Variants in WDR19 observed in about 807,000 individuals in gnomAD.
WDR19 encodes WD repeat-containing protein 19.
Under a neutral mutation model 180.0 loss-of-function variants are expected in WDR19, and 121 were observed. The observed-to-expected ratio is 0.67, with a 90% confidence interval of 0.58 to 0.78. The LOEUF (loss-of-function observed/expected upper bound fraction) is 0.78, where lower values mean the gene tolerates loss of function less well. WDR19 is among the 30% of genes least tolerant of loss of function. The probability of loss-of-function intolerance (pLI) is 0.00; values close to 1 mark genes in which losing one functional copy is unlikely to be tolerated. For synonymous variants in WDR19, 497 were observed against 540.7 expected (o/e 0.92, Z 1.12); for missense variants, 1,450 against 1,640.7 (o/e 0.88, Z 2.01).
chr4:39,241,613 A>G (rs990900229), intron 21 of WDR19, among the ~76,000 whole-genome samples: 1 of 151,920 alleles, frequency 6.6e-6, no homozygotes, highest in Non-Finnish European at 1.5e-5. Context: ...TCTGGCCAAC[A>G]TGGTTAAACC....
intron 20 of WDR19, among the ~76,000 whole-genome samples, chr4:39,235,796 A>T (rs1355570753): frequency 6.6e-6 from 1 of 152,162 alleles, no homozygotes; most frequent in African/African-American, 2.4e-5. Flanking sequence ...AAGAAAAAAA[A>T]AATAACCTAT....
At chr4:39,182,979 C>T (rs183519406) in intron 1 of WDR19, among the ~76,000 whole-genome samples, 6 of 152,322 alleles carry the variant, frequency 3.9e-5, no homozygotes, top group African/African-American at 1.4e-4. Context: ...GGGGCTAAGC[C>T]TCTGGCAAGC....
intron 12 of WDR19, among the ~76,000 whole-genome samples, chr4:39,216,429 G>A (rs1729077673): frequency 6.6e-6 from 1 of 152,178 alleles, no homozygotes; most frequent in South Asian, 2.1e-4. Flanking sequence ...AGCATAGTGG[G>A]TAGAATGTGA....
intron 9 of WDR19, among the ~76,000 whole-genome samples, chr4:39,211,777 AAT>A (rs891799394): frequency 2.6e-5 from 4 of 152,138 alleles, no homozygotes; most frequent in Non-Finnish European, 5.9e-5. Flanking sequence ...GACCCAAATA[AAT>A]AGAGAGATAT....
intron 3 of WDR19, among the ~76,000 whole-genome samples, chr4:39,188,001 A>T (rs1276220720): frequency 6.6e-6 from 1 of 152,244 alleles, no homozygotes; most frequent in Non-Finnish European, 1.5e-5. Flanking sequence ...TTGAAAAATA[A>T]AATAATTGAA....
chr4:39,265,964 T>C, intron 28 of WDR19, 99 bp from the exon 29 acceptor site: 2 of 1,027,134 alleles, frequency 1.9e-6, no homozygotes, highest in Non-Finnish European at 3.0e-6. Context: ...ACTATTAATG[T>C]TTTTTATTCC....
At position 39,257,562 on chromosome 4, in the gene WDR19, C is replaced by T. The variant is rs756567776; in HGVS notation, c.3183+8C>T. 14 of 1,572,398 alleles carry T rather than the reference C, an allele frequency of 8.9e-6. No individual in the cohort carries two copies. Among genetic ancestry groups the T allele is most frequent in the Middle Eastern group, 1.7e-4 (1 of 5,950 alleles). ...GAAATGGCAATTGAAACTGTAAGTA[C>T]GCTTTCAATGAAACTTTCAATAATG... On this transcript the variant is annotated splice_region_variant and intron_variant, in intron 28 of 36. Transcript: ENST00000399820.
chr4:39,231,359 T>C (rs6853874), intron 17 of WDR19, among the ~76,000 whole-genome samples: 9,591 of 151,220 alleles, frequency 0.063, 1,046 homozygotes, highest in African/African-American at 0.22. Flanking sequence ...TCAGTGACTT[T>C]GTTCCACTCA....
intron 33 of WDR19, among the ~76,000 whole-genome samples, chr4:39,275,505 C>A (rs1278417302): frequency 6.6e-6 from 1 of 152,124 alleles, no homozygotes; most frequent in Non-Finnish European, 1.5e-5. Flanking sequence ...AGACCAGATC[C>A]CCGTCTTCCA....
At chr4:39,211,021 A>G (rs1728443313) in intron 9 of WDR19, among the ~76,000 whole-genome samples, 1 of 151,886 alleles carries the variant, frequency 6.6e-6, no homozygotes, top group Non-Finnish European at 1.5e-5. Context: ...TGGGAGAATC[A>G]CTTGAGCCTG....
chr4:39,260,567 C>G (rs1578017075), intron 28 of WDR19, among the ~76,000 whole-genome samples: 1 of 152,156 alleles, frequency 6.6e-6, no homozygotes, highest in Admixed American at 6.5e-5. Flanking sequence ...TCTCCAACTC[C>G]TTACATCAAA....
At chr4:39,278,346 C>T (rs1387728480) in intron 35 of WDR19, 139 bp downstream of exon 35, 7 of 895,798 alleles carry the variant, frequency 7.8e-6, no homozygotes, top group Non-Finnish European at 1.0e-5. Context: ...TGGGAAGAAC[C>T]TCCTGTGACC....
chr4:39,186,504 A>C (rs1470990322), intron 2 of WDR19, 35 bp from the exon 3 acceptor site: 1 of 1,045,018 alleles, frequency 9.6e-7, no homozygotes, highest in Non-Finnish European at 1.3e-6. Flanking sequence ...AAAAAAAAAA[A>C]GTAAATCATA....
At position 39,253,270 on chromosome 4, in the gene WDR19, G is replaced by C; in HGVS notation, c.2854G>C (p.Asp952His). Residue 952 changes from aspartate (D) to histidine (H), a missense_variant, in exon 25 of 37, where the codon GAT (aspartate) becomes CAT (histidine). Asp to His is a moderately conservative substitution (Grantham distance 81). Transcript: ENST00000399820. ...TATTGTTAGAGAGACCCAGTCTCTG[G>C]ATGGAGCCAAAATGGTAGCCAGGTA... ...VNIVRETQSLDGAKMVARFFL... is the reference protein window; with the variant it reads ...VNIVRETQSLHGAKMVARFFL... 2 of 1,612,692 alleles carry C rather than the reference G, an allele frequency of 1.2e-6. No homozygotes were observed. Among genetic ancestry groups the C allele is most frequent in the Non-Finnish European group, 8.5e-7 (1 of 1,179,568 alleles).
Position 39,205,560 on chromosome 4 carries a change from T to C in WDR19, c.717-3T>C. ...TACCATATTGTTGCCTTCTTTGCTA[T>C]AGGTATGGTGATGGCCGCATCATGA... On this transcript the variant is annotated splice_region_variant and splice_polypyrimidine_tract_variant and intron_variant, in intron 8 of 36. Coordinates refer to ENST00000399820, the MANE Select transcript of WDR19 (RefSeq NM_025132.4). 2.5e-6 allele frequency: 4 copies of C among 1,610,668 alleles called. No individual in the cohort carries two copies. Among genetic ancestry groups the C allele is most frequent in the Non-Finnish European group, 3.4e-6 (4 of 1,178,202 alleles).
At chr4:39,227,087 A>G (rs1260246052) in intron 15 of WDR19, among the ~76,000 whole-genome samples, 7 of 152,144 alleles carry the variant, frequency 4.6e-5, no homozygotes, top group Non-Finnish European at 8.8e-5. Context: ...TCTTTTTTTC[A>G]TGCGAACTCT....
At chr4:39,284,052 T>C (rs1028194966) in intron 36 of WDR19, among the ~76,000 whole-genome samples, 4 of 152,150 alleles carry the variant, frequency 2.6e-5, no homozygotes, top group African/African-American at 7.2e-5. Context: ...TGGGTGTGGT[T>C]TTTAAATTTT....
At position 39,285,079 on chromosome 4, in the gene WDR19, G is replaced by C. The variant is rs200612668; in HGVS notation, c.*14-408G>C. On this transcript the variant is annotated intron_variant, in intron 36 of 36. Transcript: ENST00000399820. Reference sequence around the variant, plus strand: ...CATCATCTCCTAGGAAAAAAAAAAAGACACACACAAAGTCACTGTAAGCAT... The same window carrying C: ...CATCATCTCCTAGGAAAAAAAAAAACACACACACAAAGTCACTGTAAGCAT... 1.9e-3 allele frequency among the ~76,000 whole-genome samples: 283 copies of C among 150,906 alleles called. 2 individuals carry two copies. Among genetic ancestry groups the C allele is most frequent in the Non-Finnish European group, 3.2e-3 (217 of 67,778 alleles).
At chr4:39,275,190 A>C in intron 33 of WDR19, 4 of 487,366 alleles carry the variant, frequency 8.2e-6, no homozygotes, top group East Asian at 4.4e-5. Context: ...AAATACAAAA[A>C]TTGGCTGGGC....
Sources: gnomAD v4.1 joint callset for allele counts (sites outside exome capture counted in the v4.1 genomes callset) on GRCh38, gnomAD v4.1.1 for gene constraint, MANE v1.5 for transcripts, NCBI Gene and HGNC (gene_info 2026-07-23, HGNC 2026-07-21) for gene names.